Variants in PACRG observed in about 807,000 individuals in gnomAD.
PACRG encodes parkin coregulated gene protein.
A neutral mutation model predicts 29.7 loss-of-function variants in PACRG; 29 were observed. The ratio of observed to expected loss-of-function variants is 0.98; its 90% CI spans 0.73 to 1.33. The LOEUF (loss-of-function observed/expected upper bound fraction) is 1.33, where lower values mean the gene tolerates loss of function less well. PACRG is among the 40% of genes most tolerant of loss of function. The pLI, the probability that PACRG is intolerant of heterozygous loss-of-function variation, is 0.00. For missense variants in PACRG, 279 were observed against 316.2 expected, an observed-to-expected ratio of 0.88 and a Z score of 0.89; for synonymous variants, 116 against 118.7, an observed-to-expected ratio of 0.98 and a Z score of 0.15.
At chr6:162,907,776 T>C (rs1294609389) in intron 2 of PACRG, among the ~76,000 whole-genome samples, 2 of 152,194 alleles carry the variant, frequency 1.3e-5, no homozygotes, top group Non-Finnish European at 2.9e-5. Flanking sequence ...AAAACATATT[T>C]TGAAAGCAAG....
At chr6:163,227,227 G>C (rs1355944038) in intron 4 of PACRG, among the ~76,000 whole-genome samples, 1 of 152,152 alleles carries the variant, frequency 6.6e-6, no homozygotes, top group South Asian at 2.1e-4. Flanking sequence ...ACTCACGATA[G>C]AGGGCGAAGT....
At chr6:162,945,387 A>T (rs1288207523) in intron 2 of PACRG, among the ~76,000 whole-genome samples, 4 of 152,166 alleles carry the variant, frequency 2.6e-5, no homozygotes, top group Admixed American at 6.5e-5. Context: ...TAAGCTTTAA[A>T]TAAAAAACAG....
chr6:163,191,059 A>G lies in PACRG; in HGVS notation c.613+101651A>G. ...TATTACATATTATCATTTGAAAAACAAAACAAACAAACAAAAAACCTGTTA... is the reference window on the plus strand; with the variant it reads ...TATTACATATTATCATTTGAAAAACGAAACAAACAAACAAAAAACCTGTTA... On this transcript the variant is annotated intron_variant, in intron 4 of 4. Coordinates refer to ENST00000366888, the MANE Select transcript of PACRG (RefSeq NM_001080379.2). 6.9e-6 allele frequency: 3 copies of G among 432,798 alleles called. No homozygotes were observed. In the East Asian group the frequency reaches 2.1e-4, roughly 31 times the overall value. The allele number at this position is 432,798 out of a possible 1,614,324, so 26.8% of individuals were successfully genotyped here. A position where few individuals can be genotyped will look rare whatever the true frequency, so the allele number is the denominator to read the frequency against.
chr6:163,148,144 G>A (rs1777879975), intron 4 of PACRG, among the ~76,000 whole-genome samples: 1 of 152,096 alleles, frequency 6.6e-6, no homozygotes. Context: ...TGTGTTGAGG[G>A]CGGGTATTCT....
At chr6:163,147,224 A>C (rs915759291) in intron 4 of PACRG, among the ~76,000 whole-genome samples, 1 of 152,222 alleles carries the variant, frequency 6.6e-6, no homozygotes. Context: ...AAAATGTCTA[A>C]GACCCAAATT....
At chr6:163,015,189 T>G (rs1244309208) in intron 2 of PACRG, among the ~76,000 whole-genome samples, 1 of 152,202 alleles carries the variant, frequency 6.6e-6, no homozygotes, top group Non-Finnish European at 1.5e-5. Flanking sequence ...GGTTCTCTAT[T>G]GTGTTCCATT....
At chr6:163,153,813 G>A (rs951873335) in intron 4 of PACRG, among the ~76,000 whole-genome samples, 1 of 152,182 alleles carries the variant, frequency 6.6e-6, no homozygotes, top group African/African-American at 2.4e-5. Context: ...CAACTATTTT[G>A]TGACATGTCA....
chr6:163,096,355 G>T (rs1814585953), intron 4 of PACRG, among the ~76,000 whole-genome samples: 2 of 128,556 alleles, frequency 1.6e-5, no homozygotes, highest in Admixed American at 1.6e-4. Flanking sequence ...GGAGGCTCAG[G>T]CCACTCTGCC....
At chr6:163,033,717 G>A (rs1278907764) in intron 2 of PACRG, among the ~76,000 whole-genome samples, 1 of 152,178 alleles carries the variant, frequency 6.6e-6, no homozygotes, top group Non-Finnish European at 1.5e-5. Context: ...ATTGAATCCT[G>A]AACCCAGGCC....
chr6:162,869,247 T>C (rs1046996510), intron 2 of PACRG, among the ~76,000 whole-genome samples: 1 of 152,180 alleles, frequency 6.6e-6, no homozygotes, highest in African/African-American at 2.4e-5. Context: ...GATACTTTGA[T>C]TCCATCTATG....
chr6:162,886,482 C>T (rs34957555), intron 2 of PACRG, among the ~76,000 whole-genome samples: 25,796 of 152,118 alleles, frequency 0.17, 2,773 homozygotes, highest in East Asian at 0.35. Context: ...ACATGGCACG[C>T]GTCTCCTGGA....
intron 2 of PACRG, among the ~76,000 whole-genome samples, chr6:163,034,765 A>G (rs1407490492): frequency 6.6e-6 from 1 of 152,098 alleles, no homozygotes; most frequent in Admixed American, 6.5e-5. Flanking sequence ...AGCCAGAAAA[A>G]TGTTACAGGG....
chr6:163,302,771 G>A (rs968720404), intron 4 of PACRG, among the ~76,000 whole-genome samples: 14 of 152,168 alleles, frequency 9.2e-5, no homozygotes, highest in African/African-American at 3.1e-4. Flanking sequence ...ATGGTGTAAC[G>A]TGTTTTTTCA....
intron 4 of PACRG, among the ~76,000 whole-genome samples, chr6:163,189,156 A>G (rs1780088052): frequency 6.6e-6 from 1 of 152,266 alleles, no homozygotes; most frequent in Non-Finnish European, 1.5e-5. Context: ...GCCCGTTTGT[A>G]TGATCAAAGC....
intron 4 of PACRG, among the ~76,000 whole-genome samples, chr6:163,236,138 G>A (rs1274055508): frequency 7.4e-5 from 4 of 54,258 alleles, no homozygotes; most frequent in Admixed American, 1.8e-4. Flanking sequence ...ACAGGGTATG[G>A]CATACCCTGT....
chr6:163,157,636 G>C (rs778730850), intron 4 of PACRG, among the ~76,000 whole-genome samples: 4 of 152,186 alleles, frequency 2.6e-5, no homozygotes, highest in Non-Finnish European at 5.9e-5. Context: ...ACTAATATAA[G>C]AACAGTTATC....
At chr6:163,249,726 T>A (rs1038397914) in intron 4 of PACRG, among the ~76,000 whole-genome samples, 2 of 152,198 alleles carry the variant, frequency 1.3e-5, no homozygotes, top group African/African-American at 4.8e-5. Flanking sequence ...AGAAGTTGAC[T>A]GTGAAGTGTG....
At chr6:163,311,468 T>C (rs1324702441) in intron 4 of PACRG, among the ~76,000 whole-genome samples, 1 of 152,208 alleles carries the variant, frequency 6.6e-6, no homozygotes, top group Non-Finnish European at 1.5e-5. Context: ...ACGTGTCGCA[T>C]GTATTTAAAA....
chr6:163,108,288 G>A (rs1187031305), intron 4 of PACRG, among the ~76,000 whole-genome samples: 3 of 151,708 alleles, frequency 2.0e-5, no homozygotes, highest in Admixed American at 2.0e-4. Context: ...GAAAGTGTCT[G>A]CTTGCCCTTC....
Sources: allele counts gnomAD v4.1 joint callset (sites outside exome capture counted in the v4.1 genomes callset), GRCh38; gene constraint gnomAD v4.1.1; transcripts MANE v1.5; gene names NCBI Gene and HGNC (gene_info 2026-07-23, HGNC 2026-07-21).